GRID2: variants seen among roughly 807,000 people sequenced by gnomAD.
GRID2 encodes the protein glutamate ionotropic receptor delta type subunit 2.
GRID2 carries 33 observed loss-of-function variants against 114.8 expected under a neutral mutation model. The observed-to-expected ratio is 0.29, with a 90% CI of 0.22 to 0.38. The LOEUF (loss-of-function observed/expected upper bound fraction) is 0.38. Ranked by LOEUF, GRID2 falls within the 10% of genes least tolerant of loss-of-function variation. The probability of loss-of-function intolerance (pLI) is 1.00; values close to 1 mark genes in which losing one functional copy is unlikely to be tolerated. For missense variants in GRID2, 1,184 were observed against 1,257.7 expected (o/e 0.94, Z 0.89); for synonymous variants, 505 against 449.9 (o/e 1.12, Z -1.55).
chr4:93,596,580 AAAAAAAAGAAAAAG>A (rs1249234851), intron 13 of GRID2, among the ~76,000 whole-genome samples: 6 of 152,174 alleles, frequency 3.9e-5, no homozygotes, highest in African/African-American at 1.4e-4. Flanking sequence ...TCGGTCTTAA[AAAAAAAAGAAAAAG>A]AAAAAAAGAA....
chr4:93,426,119 G>C (rs986623337), intron 10 of GRID2, among the ~76,000 whole-genome samples: 1 of 152,002 alleles, frequency 6.6e-6, no homozygotes, highest in African/African-American at 2.4e-5. Context: ...TTAAGGCAGT[G>C]GTAGGGAAAA....
intron 8 of GRID2, among the ~76,000 whole-genome samples, chr4:93,337,905 G>T (rs1037895207): frequency 6.6e-6 from 1 of 151,962 alleles, no homozygotes; most frequent in African/African-American, 2.4e-5. Flanking sequence ...TACACCCTTT[G>T]CCTTCCCTAG....
intron 4 of GRID2, among the ~76,000 whole-genome samples, chr4:93,158,686 A>G (rs1040588720): frequency 6.6e-6 from 1 of 151,776 alleles, no homozygotes; most frequent in African/African-American, 2.4e-5. Context: ...AGAGCTCTGG[A>G]GTTCGAGTTT....
intron 2 of GRID2, among the ~76,000 whole-genome samples, chr4:92,753,562 G>T (rs111767172): frequency 6.6e-5 from 10 of 152,258 alleles, no homozygotes; most frequent in African/African-American, 2.4e-4. Context: ...AATGTCCTCA[G>T]AGCAGGATGG....
intron 9 of GRID2, among the ~76,000 whole-genome samples, chr4:93,415,753 A>C (rs116450485): frequency 0.023 from 3,553 of 152,136 alleles, 75 homozygotes; most frequent in South Asian, 0.052. Context: ...AAAATATTTT[A>C]TTTTAAAAAT....
chr4:93,229,791 G>T, intron 7 of GRID2, among the ~76,000 whole-genome samples: 1 of 152,062 alleles, frequency 6.6e-6, no homozygotes, highest in East Asian at 1.9e-4. Context: ...TAAATGTCTA[G>T]TAATGGGCAA....
At chr4:93,030,489 A>G (rs533563630) in intron 2 of GRID2, among the ~76,000 whole-genome samples, 10 of 151,552 alleles carry the variant, frequency 6.6e-5, no homozygotes, top group Non-Finnish European at 1.3e-4. Context: ...GGTTCAGTCA[A>G]TTCTTGTGCC....
At chr4:93,656,854 A>T (rs1366351215) in intron 14 of GRID2, among the ~76,000 whole-genome samples, 1 of 148,382 alleles carries the variant, frequency 6.7e-6, no homozygotes, top group African/African-American at 2.5e-5. Context: ...AAAAAAAAAA[A>T]AAACAAATAA....
chr4:93,511,507 A>G (rs933986905), intron 12 of GRID2, among the ~76,000 whole-genome samples: 2 of 152,164 alleles, frequency 1.3e-5, no homozygotes, highest in Admixed American at 1.3e-4. Context: ...CAAGAAGATA[A>G]GGCTGATTAG....
chr4:92,957,381 T>A (rs1215791603), intron 2 of GRID2, among the ~76,000 whole-genome samples: 1 of 152,118 alleles, frequency 6.6e-6, no homozygotes, highest in African/African-American at 2.4e-5. Flanking sequence ...GGTTGTCTAG[T>A]TGTTCCAGCA....
intron 1 of GRID2, among the ~76,000 whole-genome samples, chr4:92,509,404 C>T (rs1271488739): frequency 5.3e-5 from 8 of 151,896 alleles, no homozygotes; most frequent in African/African-American, 1.9e-4. Flanking sequence ...GCACTATTCT[C>T]ACTTTTTAAA....
chr4:92,701,377 C>T (rs1230177332), intron 2 of GRID2, among the ~76,000 whole-genome samples: 6 of 151,994 alleles, frequency 3.9e-5, no homozygotes, highest in South Asian at 2.1e-4. Flanking sequence ...ATACAAGTGA[C>T]ATGTTTAAGC....
intron 4 of GRID2, among the ~76,000 whole-genome samples, chr4:93,128,356 AAAAG>A (rs1439495490): frequency 6.6e-6 from 1 of 152,192 alleles, no homozygotes; most frequent in Non-Finnish European, 1.5e-5. Context: ...TAGAGAGAGA[AAAAG>A]AGAGAGGAAG....
intron 1 of GRID2, among the ~76,000 whole-genome samples, chr4:92,554,185 G>T (rs1373857762): frequency 2.0e-5 from 3 of 152,190 alleles, no homozygotes; most frequent in Non-Finnish European, 4.4e-5. Context: ...GGGGCAATTA[G>T]AAAGATGTCA....
At position 93,399,894 on chromosome 4, in the gene GRID2, A is replaced by G. The variant is rs556920184; in HGVS notation, c.1347+4186A>G. ...GAAGCCCTCAGTGAATCCAGAAGAA[A>G]AGTAGAGAAAAACCAACACGAGCAT... On this transcript the variant is annotated intron_variant, in intron 9 of 15. Coordinates refer to ENST00000282020, the MANE Select transcript of GRID2 (RefSeq NM_001510.4). 7.2e-4 allele frequency among the ~76,000 whole-genome samples: 110 copies of G among 152,200 alleles called. 1 individual carries two copies. The highest frequency in any genetic ancestry group is 1.1e-3 in the Non-Finnish European group (72 of 68,010).
At chr4:93,495,079 A>G (rs1207338377) in intron 12 of GRID2, among the ~76,000 whole-genome samples, 2 of 151,910 alleles carry the variant, frequency 1.3e-5, no homozygotes, top group East Asian at 1.9e-4. Flanking sequence ...TTTCATTCCC[A>G]GGAGCTGCAA....
At chr4:92,451,985 A>C (rs1720951864) in intron 1 of GRID2, among the ~76,000 whole-genome samples, 1 of 152,164 alleles carries the variant, frequency 6.6e-6, no homozygotes, top group Admixed American at 6.5e-5. Context: ...TTTTCTATGA[A>C]TGTGAGACTC....
chr4:93,532,471 A>G (rs17020726), intron 13 of GRID2, among the ~76,000 whole-genome samples: 5,458 of 152,262 alleles, frequency 0.036, 110 homozygotes, highest in African/African-American at 0.055. Flanking sequence ...TTTCTGCCTC[A>G]AATTATACTG....
At chr4:92,931,760 T>C (rs1254778750) in intron 2 of GRID2, among the ~76,000 whole-genome samples, 3 of 151,100 alleles carry the variant, frequency 2.0e-5, no homozygotes, top group Non-Finnish European at 4.5e-5. Context: ...AATAAAGTCA[T>C]GTGTTATTGC....
Sources: gnomAD v4.1 joint callset for allele counts (sites outside exome capture counted in the v4.1 genomes callset) on GRCh38, gnomAD v4.1.1 for gene constraint, MANE v1.5 for transcripts, NCBI Gene and HGNC (gene_info 2026-07-23, HGNC 2026-07-21) for gene names.